The following HIVEP3 variants were observed in gnomAD, a reference collection of about 807,000 sequenced individuals.
HIVEP3 encodes HIVEP zinc finger 3.
A neutral mutation model predicts 152.8 loss-of-function variants in HIVEP3; 49 were observed. The observed-to-expected ratio is 0.32, with a 90% CI of 0.26 to 0.41. HIVEP3 has a LOEUF of 0.41. Among genes scored for constraint, HIVEP3 ranks in the 10% least tolerant of loss-of-function variants. The pLI is 1.00. For missense variants in HIVEP3, 2,790 were observed against 3,103.3 expected (o/e 0.90, Z 2.40); for synonymous variants, 1,269 against 1,289.0 (o/e 0.98, Z 0.33).
rs60724405 is a variant in HIVEP3 at position 41,586,383 on chromosome 1, T to C, written c.-521-1065A>G. Among the ~76,000 whole-genome samples, 176 of 152,364 alleles carry C rather than the reference T, an allele frequency of 1.2e-3. 1 individual carries two copies. The highest frequency in any genetic ancestry group is 3.7e-3 in the African/African-American group (155 of 41,586). On this transcript the variant is annotated intron_variant, in intron 3 of 8. Coordinates refer to ENST00000372583, the MANE Select transcript of HIVEP3 (RefSeq NM_024503.5). ...TTTGGACATCATGAAGATGGCTTAC[T>C]GAAGGTCCCGTGTTGCTAACAGGCA...
intron 1 of HIVEP3, among the ~76,000 whole-genome samples, chr1:41,862,931 T>G (rs767338906): frequency 1.7e-4 from 26 of 152,218 alleles, no homozygotes; most frequent in Non-Finnish European, 3.5e-4. Context: ...GGCTCACAGC[T>G]GCAGTTATTC....
intron 3 of HIVEP3, among the ~76,000 whole-genome samples, chr1:41,605,574 G>T (rs190881088): frequency 1.3e-5 from 2 of 152,082 alleles, no homozygotes; most frequent in South Asian, 2.1e-4. Flanking sequence ...ATAATAAGGG[G>T]TGGTAGATGC....
At chr1:41,793,403 C>T (rs1269843702) in intron 1 of HIVEP3, among the ~76,000 whole-genome samples, 1 of 152,180 alleles carries the variant, frequency 6.6e-6, no homozygotes, top group African/African-American at 2.4e-5. Flanking sequence ...AGCTCAGCTT[C>T]CTATGACTGG....
chr1:41,934,383 A>G (rs1164106707), intron 1 of HIVEP3, among the ~76,000 whole-genome samples: 1 of 152,112 alleles, frequency 6.6e-6, no homozygotes, highest in Non-Finnish European at 1.5e-5. Context: ...CCCTGAAGAT[A>G]CCTATCTCTT....
At chr1:41,941,962 C>G (rs567501140) in intron 1 of HIVEP3, among the ~76,000 whole-genome samples, 11 of 152,102 alleles carry the variant, frequency 7.2e-5, no homozygotes, top group African/African-American at 2.4e-4. Context: ...CAGTAGGGGA[C>G]ACAGGAGATC....
intron 1 of HIVEP3, among the ~76,000 whole-genome samples, chr1:42,024,758 A>G (rs1444631387): frequency 6.6e-6 from 1 of 152,214 alleles, no homozygotes; most frequent in Non-Finnish European, 1.5e-5. Flanking sequence ...CATAAAGTAC[A>G]TCAATTAAGA....
chr1:41,627,549 G>A (rs1242114269), intron 3 of HIVEP3, among the ~76,000 whole-genome samples: 1 of 152,194 alleles, frequency 6.6e-6, no homozygotes, highest in Non-Finnish European at 1.5e-5. Context: ...ACTGTGGGCA[G>A]AGACACAGGC....
chr1:42,035,864 G>A (rs1192702334), exon 1 of HIVEP3: 1 of 149,608 alleles, frequency 6.7e-6, no homozygotes, highest in East Asian at 2.0e-4. Context: ...GGCGGGCGGC[G>A]GGCGGCAGCG....
chr1:41,888,680 AC>A (rs1304282881), intron 1 of HIVEP3, among the ~76,000 whole-genome samples: 7 of 132,594 alleles, frequency 5.3e-5, no homozygotes, highest in Admixed American at 4.7e-4. Context: ...TACCTCATGT[AC>A]CCCCCAACAT....
chr1:41,849,196 T>G (rs1643526400), intron 1 of HIVEP3: 1 of 152,186 alleles, frequency 6.6e-6, no homozygotes, highest in Non-Finnish European at 1.5e-5. Context: ...GAAACCAAAC[T>G]GAATCAGAAC....
At chr1:41,739,860 G>C (rs896636550) in intron 1 of HIVEP3, among the ~76,000 whole-genome samples, 3 of 152,200 alleles carry the variant, frequency 2.0e-5, no homozygotes, top group South Asian at 2.1e-4. Flanking sequence ...CTTCAGAAGA[G>C]AGCACTAGTA....
At position 41,580,900 on chromosome 1, in the gene HIVEP3, T is replaced by C. The variant is rs1039954817; in HGVS notation, c.3898A>G (p.Thr1300Ala). 1.9e-6 allele frequency: 3 copies of C among 1,612,242 alleles called. No homozygotes were observed. Among genetic ancestry groups the C allele is most frequent in the East Asian group, 2.2e-5 (1 of 44,870 alleles). The change falls in exon 4 of 9, where the codon ACA becomes GCA. Residue 1300 changes from threonine to alanine, a missense_variant. Thr to Ala is a moderately conservative substitution (Grantham distance 58, BLOSUM62 0). Around this residue, in one of 9 missense-constraint regions of HIVEP3, gnomAD observed 1,078 missense variants for 1,165.3 expected, o/e 0.93. Coordinates refer to ENST00000372583, the MANE Select transcript of HIVEP3 (RefSeq NM_024503.5). ...VAPPASSSAP[T>A]SAPPLALPAC... ...GGCAGGGCCAGTGGAGGAGCTGATGTAGGTGCTGAGGAGCTGGCTGGGGGA... is the reference window on the plus strand; with the variant it reads ...GGCAGGGCCAGTGGAGGAGCTGATGCAGGTGCTGAGGAGCTGGCTGGGGGA...
chr1:41,710,909 C>T (rs140766333), intron 1 of HIVEP3, among the ~76,000 whole-genome samples: 44 of 152,364 alleles, frequency 2.9e-4, no homozygotes, highest in African/African-American at 8.9e-4. Flanking sequence ...CCAAAGAGGG[C>T]CTTATCGTAT....
intron 1 of HIVEP3, among the ~76,000 whole-genome samples, chr1:41,728,606 C>T (rs1483632814): frequency 6.6e-6 from 1 of 152,166 alleles, no homozygotes; most frequent in East Asian, 1.9e-4. Flanking sequence ...ATCTACAGCC[C>T]CACTGACAGT....
chr1:41,517,043 C>CA (rs1642627803), intron 7 of HIVEP3, among the ~76,000 whole-genome samples: 3 of 152,258 alleles, frequency 2.0e-5, no homozygotes, highest in South Asian at 2.1e-4. Flanking sequence ...GAGCCAGGCA[C>CA]AGAGACTGTG....
At chr1:41,791,637 T>G (rs527369006) in intron 1 of HIVEP3, among the ~76,000 whole-genome samples, 9 of 152,198 alleles carry the variant, frequency 5.9e-5, no homozygotes, top group Non-Finnish European at 1.0e-4. Flanking sequence ...TGCTACCATA[T>G]ACCAAGGCTA....
At chr1:41,903,882 C>T (rs1644666374) in intron 1 of HIVEP3, among the ~76,000 whole-genome samples, 1 of 151,664 alleles carries the variant, frequency 6.6e-6, no homozygotes, top group Non-Finnish European at 1.5e-5. Context: ...GGAGCCAGTG[C>T]TGACCATTTT....
chr1:41,709,111 C>G (rs1315825957), intron 1 of HIVEP3, among the ~76,000 whole-genome samples: 1 of 152,206 alleles, frequency 6.6e-6, no homozygotes, highest in Admixed American at 6.5e-5. Flanking sequence ...ACTGTGCCAG[C>G]TACCCATGGC....
At chr1:41,688,178 ATCT>A (rs1433946902) in intron 2 of HIVEP3, among the ~76,000 whole-genome samples, 1 of 152,134 alleles carries the variant, frequency 6.6e-6, no homozygotes, top group Non-Finnish European at 1.5e-5. Flanking sequence ...AGCCAAGCCG[ATCT>A]TCTTCAGTTC....
Sources: allele counts gnomAD v4.1 joint callset (sites outside exome capture counted in the v4.1 genomes callset), GRCh38; gene constraint gnomAD v4.1.1; regional missense constraint gnomAD v4.1.1; transcripts MANE v1.5; gene names NCBI Gene and HGNC (gene_info 2026-07-23, HGNC 2026-07-21).